The following P4HA1 variants were observed in gnomAD, a reference collection of about 807,000 sequenced individuals.
The protein encoded by P4HA1 is prolyl 4-hydroxylase subunit alpha 1.
P4HA1 carries 24 observed loss-of-function variants against 72.8 expected under a neutral mutation model. That is an observed-to-expected ratio of 0.33 (90% confidence interval 0.24 to 0.46). The LOEUF (loss-of-function observed/expected upper bound fraction) is 0.46. Ranked by LOEUF, P4HA1 falls within the 20% of genes least tolerant of loss-of-function variation. The pLI is 1.00. For synonymous variants in P4HA1, 201 were observed against 218.8 expected (o/e 0.92, Z 0.72); for missense variants, 446 against 640.6 (o/e 0.70, Z 3.28).
intron 10 of P4HA1, among the ~76,000 whole-genome samples, chr10:73,017,548 T>C (rs1306911707): frequency 2.6e-5 from 4 of 152,172 alleles, no homozygotes; most frequent in Non-Finnish European, 5.9e-5. Context: ...CTAAACACTT[T>C]CCTTTGGAAC....
At chr10:73,075,063 C>A in intron 1 of P4HA1, 148 bp from the exon 2 acceptor site, 1 of 523,542 alleles carries the variant, frequency 1.9e-6, no homozygotes, top group Non-Finnish European at 3.4e-6. Context: ...TTAATAATAG[C>A]TACTATCTTG....
intron 1 of P4HA1, among the ~76,000 whole-genome samples, chr10:73,088,273 T>C (rs1261729545): frequency 6.6e-6 from 1 of 152,202 alleles, no homozygotes; most frequent in Non-Finnish European, 1.5e-5. Flanking sequence ...ATTTTGATGT[T>C]TGAGTGCAGA....
At chr10:73,018,679 T>C (rs1216972034) in intron 10 of P4HA1, among the ~76,000 whole-genome samples, 2 of 152,010 alleles carry the variant, frequency 1.3e-5, no homozygotes, top group African/African-American at 4.8e-5. Context: ...GAGTTGCCAC[T>C]AAGCCCTATT....
chr10:73,089,422 G>T (rs368970942), intron 1 of P4HA1, among the ~76,000 whole-genome samples: 4 of 151,942 alleles, frequency 2.6e-5, no homozygotes, highest in African/African-American at 9.7e-5. Context: ...GCCAACAACT[G>T]GGAAAAAATA....
At chr10:73,023,088 G>T (rs892746194) in intron 10 of P4HA1, among the ~76,000 whole-genome samples, 4 of 152,158 alleles carry the variant, frequency 2.6e-5, no homozygotes, top group African/African-American at 7.2e-5. Context: ...AAATTATCCA[G>T]GAGAATTTCC....
chr10:73,073,083 T>C (rs1001654539), intron 3 of P4HA1, among the ~76,000 whole-genome samples: 1 of 146,380 alleles, frequency 6.8e-6, no homozygotes, highest in Non-Finnish European at 1.5e-5. Context: ...GGCAAGAGAA[T>C]CACTTGAACC....
At chr10:73,023,281 G>A (rs1393035150) in intron 10 of P4HA1, among the ~76,000 whole-genome samples, 5 of 152,192 alleles carry the variant, frequency 3.3e-5, no homozygotes, top group African/African-American at 1.2e-4. Context: ...AGGCCCATCA[G>A]ACTAACAGTG....
intron 1 of P4HA1, among the ~76,000 whole-genome samples, chr10:73,092,383 A>C (rs1377492049): frequency 4.3e-5 from 5 of 116,656 alleles, no homozygotes; most frequent in African/African-American, 6.8e-5. Context: ...AGGGTCTTGC[A>C]CTCTCACCCA....
intron 1 of P4HA1, among the ~76,000 whole-genome samples, chr10:73,092,947 C>T (rs1842066710): frequency 6.6e-6 from 1 of 151,296 alleles, no homozygotes; most frequent in Non-Finnish European, 1.5e-5. Flanking sequence ...AGCAAGATCC[C>T]ATCTCTACAA....
At chr10:73,081,831 G>A (rs1212393305) in intron 1 of P4HA1, among the ~76,000 whole-genome samples, 1 of 152,164 alleles carries the variant, frequency 6.6e-6, no homozygotes, top group East Asian at 1.9e-4. Context: ...TCAGGAGTTC[G>A]AGACCAGCCT....
At chr10:73,022,878 T>G (rs958796143) in intron 10 of P4HA1, among the ~76,000 whole-genome samples, 2 of 152,044 alleles carry the variant, frequency 1.3e-5, no homozygotes, top group African/African-American at 4.8e-5. Context: ...TTTGATCAAG[T>G]GGAACAAAGG....
At chr10:73,014,831 CTTTTTTT>C (rs761513290) in intron 11 of P4HA1, among the ~76,000 whole-genome samples, 12 of 139,786 alleles carry the variant, frequency 8.6e-5, no homozygotes, top group East Asian at 6.1e-4. Flanking sequence ...TTTCTTTTTT[CTTTTTTT>C]TTTTTTTTGA....
At chr10:73,051,899 ACTT>A (rs2133098158) in intron 6 of P4HA1, among the ~76,000 whole-genome samples, 1 of 152,294 alleles carries the variant, frequency 6.6e-6, no homozygotes, top group Non-Finnish European at 1.5e-5. Flanking sequence ...TACTCATCCT[ACTT>A]ATTTTAAGAA....
At chr10:73,081,914 G>A (rs1216181461) in intron 1 of P4HA1, among the ~76,000 whole-genome samples, 1 of 152,168 alleles carries the variant, frequency 6.6e-6, no homozygotes, top group Non-Finnish European at 1.5e-5. Flanking sequence ...AACTCAGGAG[G>A]CTGAGGCAGA....
intron 1 of P4HA1, among the ~76,000 whole-genome samples, chr10:73,093,873 AATATATATATATATATATATATAT>A (rs1167437294): frequency 1.4e-3 from 42 of 29,322 alleles, no homozygotes; most frequent in African/African-American, 3.5e-3. Flanking sequence ...AAAAAAAAAA[AATATATATATATATATATATATAT>A]ATATATATAT....
At chr10:73,061,339 G>A (rs1222882258) in intron 5 of P4HA1, among the ~76,000 whole-genome samples, 4 of 152,012 alleles carry the variant, frequency 2.6e-5, no homozygotes, top group African/African-American at 9.7e-5. Flanking sequence ...AAAGGAACAT[G>A]TTAACCACCA....
intron 12 of P4HA1, among the ~76,000 whole-genome samples, chr10:73,013,076 G>A (rs1246952543): frequency 1.3e-5 from 2 of 152,198 alleles, no homozygotes; most frequent in Non-Finnish European, 2.9e-5. Context: ...GATTACAGGC[G>A]TGTGTCACTG....
At chr10:73,091,226 T>C (rs1211463009) in intron 1 of P4HA1, among the ~76,000 whole-genome samples, 5 of 152,120 alleles carry the variant, frequency 3.3e-5, no homozygotes, top group Middle Eastern at 3.4e-3. Context: ...GTCAGAACCA[T>C]AGGGCAAGAA....
chr10:73,056,104 T>C (rs896878548), intron 5 of P4HA1, among the ~76,000 whole-genome samples: 4 of 152,186 alleles, frequency 2.6e-5, no homozygotes, highest in African/African-American at 7.2e-5. Flanking sequence ...AATACTACTA[T>C]TTTTCAGTTA....
Sources: allele counts gnomAD v4.1 joint callset (sites outside exome capture counted in the v4.1 genomes callset), GRCh38; gene constraint gnomAD v4.1.1; transcripts MANE v1.5; gene names NCBI Gene and HGNC (gene_info 2026-07-23, HGNC 2026-07-21).